UBOX5: variants seen among roughly 807,000 people sequenced by gnomAD.
UBOX5 encodes the protein U-box domain containing 5.
UBOX5 carries 28 observed loss-of-function variants against 39.0 expected under a neutral mutation model. The observed-to-expected ratio is 0.72, with a 90% CI of 0.53 to 0.98. UBOX5 has a LOEUF of 0.98. UBOX5 is among the 50% of genes least tolerant of loss of function. The pLI is 0.00. For missense variants in UBOX5, 585 were observed against 674.4 expected, an observed-to-expected ratio of 0.87 and a Z score of 1.47; for synonymous variants, 283 against 275.5, an observed-to-expected ratio of 1.03 and a Z score of -0.27.
chr20:3,147,302 A>T (rs1157026683), intron 1 of UBOX5: 1 of 1,614,220 alleles, frequency 6.2e-7, no homozygotes, highest in East Asian at 2.2e-5. Flanking sequence ...CTGGACCTCT[A>T]AGTCAGAAGA....
chr20:3,121,426 C>T lies in UBOX5; in HGVS notation c.1213G>A (p.Ala405Thr). The T allele has an allele frequency of 1.2e-6, 2 of 1,613,886 alleles. No homozygotes were observed. Among genetic ancestry groups the T allele is most frequent in the Non-Finnish European group, 1.7e-6 (2 of 1,179,898 alleles). The change falls in exon 3 of 5, where the codon GCC (alanine) becomes ACC (threonine). Residue 405 changes from alanine to threonine, a missense_variant. Transcript: ENST00000217173. ...TSEHTAKKMK[A>T]TNEPSLTHMD... ...TGTGTCAGGCTGGGCTCATTGGTGGCTTTCATTTTCTTAGCAGTGTGCTCT... is the reference window on the plus strand; with the variant it reads ...TGTGTCAGGCTGGGCTCATTGGTGGTTTTCATTTTCTTAGCAGTGTGCTCT...
At chr20:3,157,902 TG>T (rs1407553809) in intron 1 of UBOX5, among the ~76,000 whole-genome samples, 8 of 152,204 alleles carry the variant, frequency 5.3e-5, no homozygotes, top group East Asian at 3.9e-4. Context: ...AGAATTCTTT[TG>T]TTTTTTTTTT....
chr20:3,132,958 CA>C (rs530642103), intron 1 of UBOX5, among the ~76,000 whole-genome samples: 61 of 122,362 alleles, frequency 5.0e-4, no homozygotes, highest in South Asian at 2.6e-3. Flanking sequence ...CCAGTCTCTA[CA>C]AAAAAAAAAA....
intron 1 of UBOX5, among the ~76,000 whole-genome samples, chr20:3,139,941 C>A (rs1165783536): frequency 6.6e-6 from 1 of 151,652 alleles, no homozygotes; most frequent in African/African-American, 2.4e-5. Context: ...AACTCCTGAC[C>A]TTGTCATCTG....
chr20:3,129,038 G>C (rs184851115), intron 1 of UBOX5, among the ~76,000 whole-genome samples: 9 of 152,134 alleles, frequency 5.9e-5, no homozygotes, highest in Non-Finnish European at 1.0e-4. Flanking sequence ...GTGTGGAAGC[G>C]AGTCAGCCTT....
At chr20:3,124,536 G>A (rs985991986) in intron 1 of UBOX5, among the ~76,000 whole-genome samples, 9 of 152,058 alleles carry the variant, frequency 5.9e-5, no homozygotes, top group African/African-American at 2.2e-4. Context: ...GCCTCTGCCC[G>A]GCCGCCACCC....
In UBOX5 at chr20:3,141,734, C is replaced by T. The variant is rs556640600; in HGVS notation, c.-42+18032G>A. On this transcript the variant is annotated intron_variant, in intron 1 of 4. Transcript: ENST00000217173. ...CCCCATAGTTAACATCATACTCAGC[C>T]GGGAGTGGTGGCTCATGCCTGTAAT... 7.9e-5 allele frequency among the ~76,000 whole-genome samples: 12 copies of T among 152,230 alleles called. No individual in the cohort carries two copies. The South Asian group carries it at 1.7e-3, about 21-fold the overall frequency.
chr20:3,142,023 TTTTC>T (rs200736006), intron 1 of UBOX5, among the ~76,000 whole-genome samples: 4,335 of 149,958 alleles, frequency 0.029, 166 homozygotes, highest in African/African-American at 0.096. Context: ...TTTTCTTTTC[TTTTC>T]TTTTTTTTTT....
chr20:3,108,987 T>C lies in UBOX5; in HGVS notation c.*1119A>G, dbSNP rs973420886. On this transcript the variant is annotated 3_prime_UTR_variant, in exon 5 of 5. Coordinates refer to ENST00000217173, the MANE Select transcript of UBOX5 (RefSeq NM_014948.4). ...ACCCCAAACCCAGATCTCTAAAGTA[T>C]TGGGTGTGGACTAGAGCTCTGGACG... 6.8e-6 allele frequency: 1 copy of C among 146,664 alleles called. No individual in the cohort carries two copies. The highest frequency in any genetic ancestry group is 1.5e-5 in the Non-Finnish European group (1 of 66,894). 9.1% of individuals were successfully genotyped at this position (146,664 alleles called of 1,614,324 possible).
At chr20:3,141,479 G>A (rs147940833) in intron 1 of UBOX5, among the ~76,000 whole-genome samples, 3 of 151,552 alleles carry the variant, frequency 2.0e-5, no homozygotes, top group East Asian at 4.0e-4. Context: ...GAGAAACCCC[G>A]TCTCTACTAA....
At chr20:3,137,323 TAC>T (rs1486995948) in intron 1 of UBOX5, among the ~76,000 whole-genome samples, 1 of 152,128 alleles carries the variant, frequency 6.6e-6, no homozygotes, top group African/African-American at 2.4e-5. Context: ...TAAAAAACAA[TAC>T]AGAGAGATCC....
rs1389378022 is a variant in UBOX5, at chr20:3,109,731, G to T, written c.*375C>A. The T allele has an allele frequency of 3.2e-5, 9 of 281,012 alleles. No homozygotes were observed. Among genetic ancestry groups the T allele is most frequent in the East Asian group, 8.3e-5 (1 of 12,038 alleles). 17.4% of individuals were successfully genotyped at this position (281,012 alleles called of 1,614,324 possible). A position where few individuals can be genotyped will look rare whatever the true frequency, so the allele number is the denominator to read the frequency against. On this transcript the variant is annotated 3_prime_UTR_variant, in exon 5 of 5. Coordinates refer to ENST00000217173, the MANE Select transcript of UBOX5 (RefSeq NM_014948.4). ...TGACCCTGAAGGCAGAGACTCCTGA[G>T]ATCTGGGCCACAATCTAGGGTGAGC...
intron 4 of UBOX5, among the ~76,000 whole-genome samples, chr20:3,113,960 C>G (rs1344017831): frequency 6.6e-6 from 1 of 152,042 alleles, no homozygotes; most frequent in East Asian, 1.9e-4. Flanking sequence ...ATGGTGAAAC[C>G]CCATCTCTAC....
At position 3,136,972 on chromosome 20, in the gene UBOX5, G is replaced by C. The variant is rs556401916; in HGVS notation, c.-41-13566C>G. On this transcript the variant is annotated intron_variant, in intron 1 of 4. Coordinates refer to ENST00000217173, the MANE Select transcript of UBOX5 (RefSeq NM_014948.4). ...ACCCAGTCCCTGTTTTTCTGAGACA[G>C]TGTCTCACTCTGATGCCCGGGCTGG... Among the ~76,000 whole-genome samples the C allele has an allele frequency of 1.2e-4, 17 of 145,500 alleles. No homozygotes were observed. The South Asian group carries it at 2.2e-3, about 19-fold the overall frequency.
intron 1 of UBOX5, among the ~76,000 whole-genome samples, chr20:3,155,359 G>A (rs1452894732): frequency 2.6e-5 from 4 of 152,132 alleles, no homozygotes; most frequent in East Asian, 1.9e-4. Context: ...GCGAAACCAC[G>A]TCTCTCCTAA....
chr20:3,136,202 C>G (rs148671205), intron 1 of UBOX5: 2 of 150,646 alleles, frequency 1.3e-5, no homozygotes, highest in Non-Finnish European at 2.9e-5. Context: ...ATTTTTCCTT[C>G]GGCATTTTCT....
At position 3,109,972 on chromosome 20, in the gene UBOX5, TGAA is replaced by T. The variant is rs2066240296; in HGVS notation, c.*131_*133del. On this transcript the variant is annotated 3_prime_UTR_variant, in exon 5 of 5. Coordinates refer to ENST00000217173, the MANE Select transcript of UBOX5 (RefSeq NM_014948.4). ...AGCAATGTGCTATACCGTGAGGTGATGAAGAAGAGCCCCGGGAGGGAGCAGGCA... is the reference window on the plus strand; with the variant it reads ...AGCAATGTGCTATACCGTGAGGTGATGAAGAGCCCCGGGAGGGAGCAGGCA... 1.5e-5 allele frequency: 15 copies of T among 1,022,002 alleles called. No individual in the cohort carries two copies. Among genetic ancestry groups the T allele is most frequent in the South Asian group, 1.0e-4 (7 of 68,930 alleles). The allele number at this position is 1,022,002 out of a possible 1,614,324, so 63.3% of individuals were successfully genotyped here.
At chr20:3,110,373 T>C (rs1344682247) in intron 4 of UBOX5, 59 bp from the exon 5 acceptor site, 19 of 1,590,476 alleles carry the variant, frequency 1.2e-5, no homozygotes, top group Non-Finnish European at 1.6e-5. Flanking sequence ...TGGTCCAGGC[T>C]GCTCTGAGGG....
chr20:3,140,893 ATT>A (rs11365727), intron 1 of UBOX5, among the ~76,000 whole-genome samples: 5 of 86,148 alleles, frequency 5.8e-5, no homozygotes, highest in East Asian at 4.8e-4. Flanking sequence ...TCTCCCATCT[ATT>A]TTTTTTTTTA....
Sources: gnomAD v4.1 joint callset for allele counts (sites outside exome capture counted in the v4.1 genomes callset) on GRCh38, gnomAD v4.1.1 for gene constraint, MANE v1.5 for transcripts, NCBI Gene and HGNC (gene_info 2026-07-23, HGNC 2026-07-21) for gene names.